ERBIN: variants seen among roughly 807,000 people sequenced by gnomAD.
ERBIN encodes densin-180-like protein.
ERBIN carries 60 observed loss-of-function variants against 158.4 expected under a neutral mutation model. The observed-to-expected ratio is 0.38, with a 90% confidence interval of 0.31 to 0.47. ERBIN has a LOEUF of 0.47. ERBIN is among the 20% of genes least tolerant of loss of function. ERBIN has a pLI of 0.99. For missense variants in ERBIN, 1,610 were observed against 1,648.0 expected, an observed-to-expected ratio of 0.98 and a Z score of 0.40; for synonymous variants, 594 against 557.2, an observed-to-expected ratio of 1.07 and a Z score of -0.93.
intron 16 of ERBIN, among the ~76,000 whole-genome samples, chr5:66,043,568 T>C (rs939019580): frequency 2.6e-5 from 4 of 152,184 alleles, no homozygotes; most frequent in Non-Finnish European, 5.9e-5. Flanking sequence ...TCTTTAATGA[T>C]TTATTTTTAT....
chr5:65,933,589 T>C (rs747235697), intron 1 of ERBIN, among the ~76,000 whole-genome samples: 3 of 152,168 alleles, frequency 2.0e-5, no homozygotes, highest in Non-Finnish European at 4.4e-5. Context: ...CAGGATATGC[T>C]TCTCTTAATC....
intron 17 of ERBIN, among the ~76,000 whole-genome samples, chr5:66,044,720 G>A (rs1231837281): frequency 2.0e-5 from 3 of 151,786 alleles, no homozygotes; most frequent in Non-Finnish European, 4.4e-5. Flanking sequence ...AGCCGAGATC[G>A]TACCACTGTG....
At position 66,046,392 on chromosome 5, in the gene ERBIN, G is replaced by A; in HGVS notation, c.1642G>A (p.Glu548Lys). 1 of 1,600,316 alleles carries A rather than the reference G, an allele frequency of 6.2e-7. No individual in the cohort carries two copies. Among genetic ancestry groups the A allele is most frequent in the Non-Finnish European group, 8.5e-7 (1 of 1,171,706 alleles). Reference protein sequence around the residue: ...STTTVKSKVDEREKYMIGNSV... With the variant: ...STTTVKSKVDKREKYMIGNSV... ...TACTACAGTAAAAAGCAAAGTTGAT[G>A]AAAGAGAAAAATATATGATAGGAAA... The change falls in exon 18 of 26, where the codon GAA (glutamate) becomes AAA (lysine). Residue 548 changes from glutamate to lysine, a missense_variant. By Grantham distance (56) the Glu-to-Lys change is moderately conservative. Around this residue, in one of 2 missense-constraint regions of ERBIN, gnomAD observed 596 missense variants for 711.9 expected, o/e 0.84. Coordinates refer to ENST00000284037, the MANE Select transcript of ERBIN (RefSeq NM_001253697.2).
chr5:66,041,560 G>A (rs564236651), intron 15 of ERBIN, among the ~76,000 whole-genome samples: 1 of 152,172 alleles, frequency 6.6e-6, no homozygotes, highest in South Asian at 2.1e-4. Context: ...AAAGATGTGA[G>A]ATTTATACTA....
chr5:65,989,741 A>G (rs183230907), intron 2 of ERBIN, among the ~76,000 whole-genome samples: 179 of 152,338 alleles, frequency 1.2e-3, no homozygotes, highest in African/African-American at 4.0e-3. Flanking sequence ...TGTGACTAAT[A>G]AGCTGAATTT....
intron 1 of ERBIN, among the ~76,000 whole-genome samples, chr5:65,929,610 C>A (rs77961362): frequency 2.0e-5 from 3 of 151,168 alleles, no homozygotes; most frequent in African/African-American, 7.3e-5. Flanking sequence ...CTATTATAAA[C>A]CTCTAAAGAT....
At chr5:65,958,500 A>C (rs1346420794) in intron 1 of ERBIN, among the ~76,000 whole-genome samples, 1 of 152,180 alleles carries the variant, frequency 6.6e-6, no homozygotes, top group Non-Finnish European at 1.5e-5. Context: ...GCGCGCCTGC[A>C]ATCGCAGGCA....
chr5:65,968,812 C>T (rs1225066890), intron 1 of ERBIN, among the ~76,000 whole-genome samples: 4 of 152,184 alleles, frequency 2.6e-5, no homozygotes, highest in Non-Finnish European at 5.9e-5. Context: ...CCACCTGCCT[C>T]GGCCTCCCAA....
At chr5:66,024,756 T>A (rs975843140) in intron 10 of ERBIN, among the ~76,000 whole-genome samples, 1 of 152,138 alleles carries the variant, frequency 6.6e-6, no homozygotes, top group Non-Finnish European at 1.5e-5. Flanking sequence ...TGGTAACTTT[T>A]TTCAGTCCTG....
intron 17 of ERBIN, among the ~76,000 whole-genome samples, chr5:66,045,845 T>A (rs1330876805): frequency 6.6e-6 from 1 of 152,250 alleles, no homozygotes; most frequent in Non-Finnish European, 1.5e-5. Flanking sequence ...TTTTACCTAA[T>A]TCTCATTTTA....
chr5:65,948,762 G>GTTTTTTTTTT lies in ERBIN; in HGVS notation c.-58+21966_-58+21975dup, dbSNP rs59712256. ...ATGACATACTGGAGTTCTGTTTTGC[G>GTTTTTTTTTT]TTTTTTTTTTTTTTTTTTTGAGACA... is the stretch of plus-strand genomic sequence containing the variant. On this transcript the variant is annotated intron_variant, in intron 1 of 25. Coordinates refer to ENST00000284037, the MANE Select transcript of ERBIN (RefSeq NM_001253697.2). Among the ~76,000 whole-genome samples, 16 of 105,622 alleles carry GTTTTTTTTTT rather than the reference G, an allele frequency of 1.5e-4. 3 individuals are homozygous for GTTTTTTTTTT. Among genetic ancestry groups the GTTTTTTTTTT allele is most frequent in the South Asian group, 3.3e-4 (1 of 2,988 alleles). The allele number at this position is 105,622 out of a possible 152,430, so 69.3% of individuals were successfully genotyped here.
intron 19 of ERBIN, 46 bp from the exon 20 acceptor site, chr5:66,050,736 CA>C: frequency 7.9e-7 from 1 of 1,258,122 alleles, no homozygotes; most frequent in Non-Finnish European, 1.1e-6. Context: ...GAATTTCACA[CA>C]ATTCTTGGGG....
At chr5:66,075,436 G>C (rs187102878) in intron 23 of ERBIN, among the ~76,000 whole-genome samples, 2 of 152,072 alleles carry the variant, frequency 1.3e-5, no homozygotes, top group East Asian at 1.9e-4. Context: ...AGTATTTTGG[G>C]CATGATTTAT....
In ERBIN at chr5:65,992,863, G is replaced by C. The variant is rs752402107; in HGVS notation, c.145G>C (p.Glu49Gln). The C allele has an allele frequency of 6.2e-7, 1 of 1,612,918 alleles. No homozygotes were observed. Among genetic ancestry groups the C allele is most frequent in the Non-Finnish European group, 8.5e-7 (1 of 1,179,582 alleles). The change falls in exon 3 of 26, where the codon GAG becomes CAG. Residue 49 changes from glutamate to glutamine, a missense_variant. Transcript: ENST00000284037. ...KEIFTFEKTL[E>Q]ELYLDANQIE... ...GATTTTTACTTTTGAAAAAACCTTG[G>C]AGGAACTCTATTTAGATGCTAATCA... is the stretch of plus-strand genomic sequence containing the variant.
At chr5:66,013,429 A>G (rs1215236204) in intron 5 of ERBIN, 120 bp from the exon 6 acceptor site, 3 of 734,988 alleles carry the variant, frequency 4.1e-6, no homozygotes, top group Non-Finnish European at 4.7e-6. Context: ...AAAAGTAGCC[A>G]CTCATAACAG....
intron 21 of ERBIN, among the ~76,000 whole-genome samples, chr5:66,070,209 TA>T (rs1761402993): frequency 6.6e-6 from 1 of 152,078 alleles, no homozygotes; most frequent in Admixed American, 6.6e-5. Context: ...CACACCCGGC[TA>T]ATTTTTGCAT....
At chr5:66,015,777 T>C (rs1222381472) in intron 7 of ERBIN, among the ~76,000 whole-genome samples, 1 of 152,112 alleles carries the variant, frequency 6.6e-6, no homozygotes, top group Admixed American at 6.5e-5. Flanking sequence ...TTTGCACTTG[T>C]AGTGTGCAAT....
chr5:65,967,678 A>G lies in ERBIN; in HGVS notation c.-57-20957A>G, dbSNP rs2150977901. Among the ~76,000 whole-genome samples the G allele has an allele frequency of 1.3e-5, 2 of 152,368 alleles. 1 individual carries two copies. Among genetic ancestry groups the G allele is most frequent in the South Asian group, 4.1e-4 (2 of 4,830 alleles). ...AACACATCCTGTCAAGCAATGCACGATTGTTTCTTCCAACAAAGATGCCTT... is the reference window on the plus strand; with the variant it reads ...AACACATCCTGTCAAGCAATGCACGGTTGTTTCTTCCAACAAAGATGCCTT... On this transcript the variant is annotated intron_variant, in intron 1 of 25. Coordinates refer to ENST00000284037, the MANE Select transcript of ERBIN (RefSeq NM_001253697.2).
At chr5:65,940,337 G>GCCC (rs1419387289) in intron 1 of ERBIN, among the ~76,000 whole-genome samples, 3 of 148,040 alleles carry the variant, frequency 2.0e-5, no homozygotes, top group Admixed American at 6.6e-5. Context: ...GAAGTGAGGA[G>GCCC]CCCCTCCGCC....
Sources: gnomAD v4.1 joint callset for allele counts (sites outside exome capture counted in the v4.1 genomes callset) on GRCh38, gnomAD v4.1.1 for gene constraint, gnomAD v4.1.1 regional missense constraint, MANE v1.5 for transcripts, NCBI Gene and HGNC (gene_info 2026-07-23, HGNC 2026-07-21) for gene names.